TENM2: variants seen among roughly 807,000 people sequenced by gnomAD.
TENM2 encodes teneurin transmembrane protein 2.
A neutral mutation model predicts 245.2 loss-of-function variants in TENM2; 52 were observed. The ratio of observed to expected loss-of-function variants is 0.21; its 90% confidence interval spans 0.17 to 0.27. The LOEUF is 0.27. Among genes scored for constraint, TENM2 ranks in the 10% least tolerant of loss-of-function variants. TENM2 has a pLI of 1.00. For synonymous variants in TENM2, 1,363 were observed against 1,438.9 expected (o/e 0.95, Z 1.19); for missense variants, 3,046 against 3,666.8 (o/e 0.83, Z 4.37).
At chr5:167,016,277 C>CAA in the TENM2 span, among the ~76,000 whole-genome samples, 334 of 82,098 alleles carry the variant, frequency 4.1e-3, no homozygotes, top group Non-Finnish European at 7.1e-3. Flanking sequence ...AACAAACAAA[C>CAA]AAACAAAAAA....
chr5:167,654,085 G>A (rs1754665763), intron 2 of TENM2, among the ~76,000 whole-genome samples: 1 of 151,912 alleles, frequency 6.6e-6, no homozygotes, highest in Admixed American at 6.6e-5. Flanking sequence ...AACAAATACA[G>A]CCATCCAATT....
chr5:167,965,582 A>T (rs1287571992), intron 4 of TENM2: 1 of 128,636 alleles, frequency 7.8e-6, no homozygotes, highest in Non-Finnish European at 1.7e-5. Flanking sequence ...ATTCCATCTT[A>T]AAAAAAAAGA....
intron 4 of TENM2, among the ~76,000 whole-genome samples, chr5:167,966,594 T>C (rs959250651): frequency 6.6e-6 from 1 of 152,164 alleles, no homozygotes; most frequent in Non-Finnish European, 1.5e-5. Context: ...TTCAAGACCT[T>C]CAGTAAATGA....
chr5:167,423,605 T>C lies in TENM2; in HGVS notation c.502+48132T>C, dbSNP rs552030196. 9.2e-5 allele frequency among the ~76,000 whole-genome samples: 14 copies of C among 152,322 alleles called. 1 individual carries two copies. The South Asian group carries it at 2.9e-3, about 32-fold the overall frequency. Reference sequence around the variant, plus strand: ...GTTATAAAGTAAATAATTCCCCTTTTAATAATTGTCCTTAAACATTTGCTC... The same window carrying C: ...GTTATAAAGTAAATAATTCCCCTTTCAATAATTGTCCTTAAACATTTGCTC... On this transcript the variant is annotated intron_variant, in intron 2 of 28. Transcript: ENST00000518659.
At chr5:168,208,511 G>A (rs532197205) in intron 19 of TENM2, among the ~76,000 whole-genome samples, 28 of 152,340 alleles carry the variant, frequency 1.8e-4, no homozygotes, top group Middle Eastern at 3.4e-3. Context: ...GGAAGGAAGC[G>A]TCAGCAAGGA....
intron 17 of TENM2, among the ~76,000 whole-genome samples, chr5:168,202,826 C>G (rs1393451151): frequency 6.6e-6 from 1 of 152,112 alleles, no homozygotes; most frequent in Non-Finnish European, 1.5e-5. Context: ...GAGTTTAATG[C>G]AGTAGGAACA....
chr5:168,057,603 C>G (rs1789662565), intron 6 of TENM2, among the ~76,000 whole-genome samples: 1 of 152,152 alleles, frequency 6.6e-6, no homozygotes, highest in Non-Finnish European at 1.5e-5. Flanking sequence ...GACTAGGACT[C>G]TTGACTTTTG....
At chr5:167,306,945 G>A (rs928364178) in intron 1 of TENM2, among the ~76,000 whole-genome samples, 1 of 152,202 alleles carries the variant, frequency 6.6e-6, no homozygotes, top group East Asian at 1.9e-4. Context: ...TTAGTTACTT[G>A]ACCAAGTGCA....
intron 3 of TENM2, among the ~76,000 whole-genome samples, chr5:167,892,607 A>C (rs2151469073): frequency 6.6e-6 from 1 of 152,288 alleles, no homozygotes; most frequent in South Asian, 2.1e-4. Flanking sequence ...AAACCACATA[A>C]GTTTCAGAGG....
chr5:167,319,185 G>C (rs539565643), intron 1 of TENM2, among the ~76,000 whole-genome samples: 1 of 152,312 alleles, frequency 6.6e-6, no homozygotes, highest in South Asian at 2.1e-4. Context: ...CACTGTTGTA[G>C]AATGTCTGTA....
At chr5:167,952,156 A>G (rs1214558286) in intron 3 of TENM2, among the ~76,000 whole-genome samples, 2 of 152,148 alleles carry the variant, frequency 1.3e-5, no homozygotes, top group African/African-American at 4.8e-5. Context: ...TCCCTGACTT[A>G]GAGTGTTCCA....
chr5:168,004,515 G>GCACACACACA (rs1442487727), intron 5 of TENM2, among the ~76,000 whole-genome samples: 2 of 73,632 alleles, frequency 2.7e-5, no homozygotes, highest in African/African-American at 1.2e-4. Context: ...ATGCGCGCGC[G>GCACACACACA]CGCACACACA....
intron 11 of TENM2, 22 bp from the exon 14 acceptor site, chr5:168,126,732 G>A (rs1172465911): frequency 1.3e-6 from 2 of 1,588,930 alleles, no homozygotes; most frequent in Non-Finnish European, 1.7e-6. Context: ...GTGTTGAGCT[G>A]TAATCATTGT....
At chr5:168,125,029 A>C (rs1795743409) in exon 11 of TENM2, 3 of 1,608,494 alleles carry the variant, frequency 1.9e-6, no homozygotes, top group East Asian at 2.2e-5. Flanking sequence ...TCCCAACTGG[A>C]TGGGTCCCGA....
intron 2 of TENM2, among the ~76,000 whole-genome samples, chr5:167,749,480 A>C (rs1026266511): frequency 1.3e-5 from 2 of 152,064 alleles, no homozygotes; most frequent in African/African-American, 4.8e-5. Context: ...TCTACTAAAA[A>C]TACAAAAATC....
At chr5:167,667,003 C>T (rs973619327) in intron 2 of TENM2, among the ~76,000 whole-genome samples, 32 of 152,096 alleles carry the variant, frequency 2.1e-4, no homozygotes, top group African/African-American at 7.0e-4. Flanking sequence ...TTATGAGTTA[C>T]CTTATACATT....
At chr5:168,185,226 C>G (rs1760281782) in intron 13 of TENM2, 1 of 152,192 alleles carries the variant, frequency 6.6e-6, no homozygotes. Flanking sequence ...AGGTGATAAT[C>G]TCATCGGCTG....
At chr5:167,109,700 AC>A in the TENM2 span, among the ~76,000 whole-genome samples, 2 of 152,164 alleles carry the variant, frequency 1.3e-5, no homozygotes, top group South Asian at 4.2e-4. Context: ...ACCCTTTAAT[AC>A]AACTCACTTC....
At chr5:167,626,458 T>C (rs1450300621) in intron 2 of TENM2, among the ~76,000 whole-genome samples, 1 of 152,226 alleles carries the variant, frequency 6.6e-6, no homozygotes, top group Non-Finnish European at 1.5e-5. Flanking sequence ...TTTGGGTAAG[T>C]GGTCGTTTTT....
Sources: allele counts gnomAD v4.1 joint callset (sites outside exome capture counted in the v4.1 genomes callset), GRCh38; gene constraint gnomAD v4.1.1; transcripts MANE v1.5; gene names NCBI Gene and HGNC (gene_info 2026-07-23, HGNC 2026-07-21).